ZKSCAN5: variants seen among roughly 807,000 people sequenced by gnomAD.
ZKSCAN5 encodes the protein zinc finger protein with KRAB and SCAN domains 5.
A neutral mutation model predicts 60.0 loss-of-function variants in ZKSCAN5; 28 were observed. The observed-to-expected ratio is 0.47, with a 90% confidence interval of 0.35 to 0.64. ZKSCAN5 has a LOEUF of 0.64. ZKSCAN5 is among the 30% of genes least tolerant of loss of function. The pLI is 0.01. For missense variants in ZKSCAN5, 881 were observed against 1,034.6 expected, an observed-to-expected ratio of 0.85 and a Z score of 2.04; for synonymous variants, 361 against 371.2, an observed-to-expected ratio of 0.97 and a Z score of 0.31.
intron 6 of ZKSCAN5, among the ~76,000 whole-genome samples, chr7:99,528,536 C>T (rs1483678305): frequency 6.6e-6 from 1 of 152,122 alleles, no homozygotes; most frequent in Non-Finnish European, 1.5e-5. Flanking sequence ...AACTAATCCT[C>T]CCACCTCAGC....
Position 99,526,339 on chromosome 7 carries a change from T to C in ZKSCAN5, c.1299T>C (p.Asn433=), listed in dbSNP as rs1801790357. Residue 433 remains asparagine (N), a synonymous_variant, in exon 6 of 7, where the codon AAT becomes AAC. Coordinates refer to ENST00000326775, the MANE Select transcript of ZKSCAN5 (RefSeq NM_145102.4). The part of the protein sequence containing the change: ...VHSGERPYGC[N]ECGKNFGRHS... ...GCGGAGAGAGGCCCTATGGCTGCAA[T>C]GAGTGTGGGAAGAACTTCGGTCGCC... is the stretch of plus-strand genomic sequence containing the variant. The C allele has an allele frequency of 8.1e-6, 13 of 1,608,586 alleles. No homozygotes were observed. Among genetic ancestry groups the C allele is most frequent in the African/African-American group, 2.7e-5 (2 of 74,902 alleles).
intron 5 of ZKSCAN5, 86 bp from the exon 6 acceptor site, chr7:99,525,725 CAT>C (rs1046175183): frequency 1.6e-5 from 24 of 1,492,560 alleles, no homozygotes; most frequent in Non-Finnish European, 2.0e-5. Context: ...ATCCCTAGCA[CAT>C]GTCAGTTTCT....
intron 2 of ZKSCAN5, among the ~76,000 whole-genome samples, chr7:99,510,243 ATT>A (rs954205310): frequency 7.5e-6 from 1 of 133,098 alleles, no homozygotes; most frequent in Non-Finnish European, 1.6e-5. Context: ...CAGGTTTTAA[ATT>A]TTTTTTTTTT....
At chr7:99,510,501 A>T (rs1266759545) in intron 2 of ZKSCAN5, among the ~76,000 whole-genome samples, 2 of 151,686 alleles carry the variant, frequency 1.3e-5, no homozygotes, top group African/African-American at 4.8e-5. Flanking sequence ...CTGGAGTGCA[A>T]TGGCACGATC....
At chr7:99,530,073 G>T (rs1174676577) in intron 6 of ZKSCAN5, among the ~76,000 whole-genome samples, 5 of 129,958 alleles carry the variant, frequency 3.8e-5, no homozygotes, top group Non-Finnish European at 7.8e-5. Flanking sequence ...TCTTGCTGTT[G>T]CCCAGGCTGG....
Position 99,532,033 on chromosome 7 carries a change from C to T in ZKSCAN5, c.2304C>T (p.Ser768=), listed in dbSNP as rs1185723151. Reference sequence around the variant, plus strand: ...CCAAACAACATCAAAAAATCTACTCCAGCACAAAATCCCATCAATGTCATG... The same window carrying T: ...CCAAACAACATCAAAAAATCTACTCTAGCACAAAATCCCATCAATGTCATG... ...SHTKQHQKIY[S]STKSHQCHEC... is the part of the protein sequence containing the mutation. Residue 768 remains serine (S), a synonymous_variant, in exon 7 of 7, where the codon TCC becomes TCT. Coordinates refer to ENST00000326775, the MANE Select transcript of ZKSCAN5 (RefSeq NM_145102.4). 6.2e-7 allele frequency: 1 copy of T among 1,614,156 alleles called. No individual in the cohort carries two copies. The highest frequency in any genetic ancestry group is 1.1e-5 in the South Asian group (1 of 91,082).
intron 6 of ZKSCAN5, among the ~76,000 whole-genome samples, chr7:99,526,652 TC>T (rs1243356815): frequency 6.6e-6 from 1 of 152,164 alleles, no homozygotes; most frequent in African/African-American, 2.4e-5. Flanking sequence ...CCTCCCCGGT[TC>T]AAGCGATTCT....
chr7:99,518,490 A>C (rs1457036156), intron 3 of ZKSCAN5, among the ~76,000 whole-genome samples: 1 of 151,988 alleles, frequency 6.6e-6, no homozygotes, highest in Non-Finnish European at 1.5e-5. Flanking sequence ...GCCTCACCCC[A>C]GGCCTTTTGA....
In ZKSCAN5 at chr7:99,526,052, C is replaced by G; in HGVS notation, c.1012C>G (p.Gln338Glu). 2 of 1,614,194 alleles carry G rather than the reference C, an allele frequency of 1.2e-6. No individual in the cohort carries two copies. Among genetic ancestry groups the G allele is most frequent in the Non-Finnish European group, 1.7e-6 (2 of 1,180,034 alleles). ...TGCAATCACAGACATCAGCCCTAAG[C>G]AAAGCACACATGGCGAGAGAGGGCA... ...LDAITDISPK[Q>E]STHGERGHRC... The change falls in exon 6 of 7, where the codon CAA becomes GAA. Residue 338 changes from glutamine (Q) to glutamate (E), a missense_variant. Physicochemically the swap from Gln to Glu is conservative, Grantham distance 29 (BLOSUM62 2). Transcript: ENST00000326775.
chr7:99,515,273 G>T (rs188993469), intron 3 of ZKSCAN5, among the ~76,000 whole-genome samples: 68 of 151,806 alleles, frequency 4.5e-4, no homozygotes, highest in Admixed American at 1.6e-3. Context: ...CAGGCGTGGT[G>T]GTACATGCCT....
rs1020002605 is a variant in ZKSCAN5, at chr7:99,512,602, G to C, written c.553+11G>C. On this transcript the variant is annotated intron_variant, in intron 3 of 6. Coordinates refer to ENST00000326775, the MANE Select transcript of ZKSCAN5 (RefSeq NM_145102.4). ...TCCTGGAGGAAAATGGTGAGGCTCA[G>C]TGATTCAGTGGAACTGATATAGCTC... The C allele has an allele frequency of 1.6e-5, 25 of 1,612,804 alleles. No individual in the cohort carries two copies. The highest frequency in any genetic ancestry group is 2.0e-5 in the Non-Finnish European group (24 of 1,179,432).
At chr7:99,504,959 C>T (rs1800642181) in intron 1 of ZKSCAN5, 2 of 152,648 alleles carry the variant, frequency 1.3e-5, no homozygotes, top group East Asian at 1.9e-4. Flanking sequence ...CCTTCCCCGC[C>T]CCACGGAAAG....
At chr7:99,529,875 C>T (rs1275291376) in intron 6 of ZKSCAN5, among the ~76,000 whole-genome samples, 1 of 151,112 alleles carries the variant, frequency 6.6e-6, no homozygotes, top group Non-Finnish European at 1.5e-5. Context: ...GCTGTGATTA[C>T]AGGGCACCCA....
intron 2 of ZKSCAN5, among the ~76,000 whole-genome samples, chr7:99,507,561 A>G (rs965056115): frequency 7.0e-6 from 1 of 142,312 alleles, no homozygotes; most frequent in East Asian, 2.2e-4. Context: ...ATGTATATAT[A>G]TGTGTATATA....
intron 2 of ZKSCAN5, among the ~76,000 whole-genome samples, chr7:99,506,937 C>T (rs1357072659): frequency 1.3e-5 from 2 of 150,160 alleles, no homozygotes; most frequent in African/African-American, 4.9e-5. Flanking sequence ...ACCTCGTGAT[C>T]CTCCCACCTC....
rs1802103101 is a variant in ZKSCAN5, at chr7:99,532,598, GA to G, written c.*351del. Reference sequence around the variant, plus strand: ...TAGGAACAGCTTCATGAGTTCAGTAGAAGTAAGCTTTATTTGTAGCTTCTGC... The same window carrying G: ...TAGGAACAGCTTCATGAGTTCAGTAGAGTAAGCTTTATTTGTAGCTTCTGC... On this transcript the variant is annotated 3_prime_UTR_variant, in exon 7 of 7. Transcript: ENST00000326775. The G allele has an allele frequency of 5.1e-6, 1 of 195,576 alleles. No homozygotes were observed. The highest frequency in any genetic ancestry group is 2.3e-5 in the African/African-American group (1 of 42,788). 12.1% of individuals were successfully genotyped at this position (195,576 alleles called of 1,614,324 possible). A position where few individuals can be genotyped will look rare whatever the true frequency, so the allele number is the denominator to read the frequency against.
intron 5 of ZKSCAN5, among the ~76,000 whole-genome samples, chr7:99,520,927 C>G (rs541365802): frequency 6.6e-6 from 1 of 152,190 alleles, no homozygotes; most frequent in Admixed American, 6.6e-5. Context: ...GTCACTGATA[C>G]CTATTTTATT....
chr7:99,531,997 G>A lies in ZKSCAN5; in HGVS notation c.2268G>A (p.Gln756=), dbSNP rs1352412343. ...QCDICRENVG[Q]CSHTKQHQKI... ...ATATATGTAGAGAAAATGTTGGCCA[G>A]TGTTCCCACACCAAACAACATCAAA... Residue 756 remains glutamine, a synonymous_variant, in exon 7 of 7, where the codon CAG becomes CAA. Coordinates refer to ENST00000326775, the MANE Select transcript of ZKSCAN5 (RefSeq NM_145102.4). The A allele has an allele frequency of 5.0e-6, 8 of 1,614,178 alleles. No individual in the cohort carries two copies. The East Asian group carries it at 8.9e-5, about 18-fold the overall frequency.
rs1214472071 is a variant in ZKSCAN5 at position 99,534,567 on chromosome 7, A to T, written c.*2318A>T. The T allele has an allele frequency of 6.7e-6, 1 of 149,794 alleles. No individual in the cohort carries two copies. Among genetic ancestry groups the T allele is most frequent in the Non-Finnish European group, 1.5e-5 (1 of 68,214 alleles). 9.3% of individuals were successfully genotyped at this position (149,794 alleles called of 1,614,324 possible). ...GTGGCGCATGCCTATAGTCCCAGCT[A>T]CTCCAGAGGCTGAGGCAGGAGAATC... On this transcript the variant is annotated 3_prime_UTR_variant, in exon 7 of 7. Transcript: ENST00000326775.
Sources: gnomAD v4.1 joint callset for allele counts (sites outside exome capture counted in the v4.1 genomes callset) on GRCh38, gnomAD v4.1.1 for gene constraint, MANE v1.5 for transcripts, NCBI Gene and HGNC (gene_info 2026-07-23, HGNC 2026-07-21) for gene names.